The following DIP2C variants were observed in gnomAD, a reference collection of about 807,000 sequenced individuals.
DIP2C encodes disco-interacting protein 2 homolog C.
In DIP2C, 33 loss-of-function variants were observed where a neutral mutation model predicts 192.4. The ratio of observed to expected loss-of-function variants is 0.17; its 90% CI spans 0.13 to 0.23. The LOEUF is 0.23. Among genes scored for constraint, DIP2C ranks in the 10% least tolerant of loss-of-function variants. The pLI, the probability that DIP2C is intolerant of heterozygous loss-of-function variation, is 1.00. For missense variants in DIP2C, 1,537 were observed against 2,110.1 expected (o/e 0.73, Z 5.32); for synonymous variants, 979 against 864.1 (o/e 1.13, Z -2.33).
At chr10:285,815 AAG>A (rs1359198046) in intron 34 of DIP2C, among the ~76,000 whole-genome samples, 1 of 152,248 alleles carries the variant, frequency 6.6e-6, no homozygotes, top group African/African-American at 2.4e-5. Flanking sequence ...CAAAGGTGTC[AAG>A]TTCCACTGTT....
intron 2 of DIP2C, among the ~76,000 whole-genome samples, chr10:477,004 G>C (rs1843081879): frequency 1.6e-5 from 1 of 63,996 alleles, no homozygotes; most frequent in African/African-American, 6.5e-5. Context: ...CAGAGGGCTG[G>C]AACATTTCCA....
chr10:593,437 G>A (rs969933222), intron 1 of DIP2C, among the ~76,000 whole-genome samples: 2 of 150,106 alleles, frequency 1.3e-5, no homozygotes, highest in African/African-American at 2.5e-5. Context: ...TCTCCCAGCA[G>A]ACCCCACACC....
intron 1 of DIP2C, among the ~76,000 whole-genome samples, chr10:623,996 G>A (rs1457972632): frequency 2.0e-5 from 3 of 152,220 alleles, no homozygotes; most frequent in African/African-American, 7.2e-5. Flanking sequence ...TTAGAGACAA[G>A]AGGTCAAAGA....
intron 1 of DIP2C, among the ~76,000 whole-genome samples, chr10:513,200 CAT>C (rs1408201339): frequency 1.3e-5 from 2 of 151,994 alleles, no homozygotes; most frequent in Non-Finnish European, 2.9e-5. Flanking sequence ...TAAATTATTA[CAT>C]GTTTAGTCGT....
intron 1 of DIP2C, among the ~76,000 whole-genome samples, chr10:509,910 C>T (rs1319803753): frequency 6.6e-6 from 1 of 152,220 alleles, no homozygotes; most frequent in African/African-American, 2.4e-5. Context: ...GGCTAAGCAG[C>T]AAGAGGAAGC....
At chr10:529,739 G>A (rs1295420663) in intron 1 of DIP2C, among the ~76,000 whole-genome samples, 1 of 152,200 alleles carries the variant, frequency 6.6e-6, no homozygotes, top group Non-Finnish European at 1.5e-5. Context: ...TTTTGTTGCA[G>A]TTACTTTGAT....
intron 26 of DIP2C, among the ~76,000 whole-genome samples, chr10:346,542 CACCCA>C (rs202187098): frequency 1.3e-4 from 18 of 141,876 alleles, no homozygotes; most frequent in Non-Finnish European, 1.8e-4. Context: ...ACCCCACACT[CACCCA>C]ACCCAGACAC....
At chr10:418,425 G>C (rs1388357699) in intron 6 of DIP2C, among the ~76,000 whole-genome samples, 1 of 151,908 alleles carries the variant, frequency 6.6e-6, no homozygotes, top group Admixed American at 6.5e-5. Flanking sequence ...TTCACACAAG[G>C]GCATTGTATT....
At chr10:596,140 C>T (rs1851685228) in intron 1 of DIP2C, among the ~76,000 whole-genome samples, 1 of 152,112 alleles carries the variant, frequency 6.6e-6, no homozygotes, top group Admixed American at 6.5e-5. Flanking sequence ...CTATGAAAAG[C>T]TGAAAGGTCA....
At chr10:309,321 A>C (rs74714672) in intron 32 of DIP2C, among the ~76,000 whole-genome samples, 2,121 of 152,116 alleles carry the variant, frequency 0.014, 51 homozygotes, top group African/African-American at 0.049. Context: ...GGCGCTTAGG[A>C]GGCCACATAG....
intron 1 of DIP2C, among the ~76,000 whole-genome samples, chr10:532,699 G>C (rs1348843157): frequency 9.5e-6 from 1 of 104,928 alleles, no homozygotes; most frequent in East Asian, 2.2e-4. Flanking sequence ...GAGAGTATGG[G>C]TGTGAGAGAG....
chr10:584,423 C>T (rs532222294), intron 1 of DIP2C, among the ~76,000 whole-genome samples: 91 of 151,054 alleles, frequency 6.0e-4, no homozygotes, highest in Non-Finnish European at 1.2e-3. Context: ...ATCTCGGGGC[C>T]CACAACCTGA....
chr10:281,734 T>C (rs1954838867), intron 35 of DIP2C, among the ~76,000 whole-genome samples: 2 of 152,224 alleles, frequency 1.3e-5, no homozygotes. Context: ...GCAGCCACAG[T>C]CAGACCAGCT....
chr10:333,825 G>C (rs184288760), intron 29 of DIP2C, among the ~76,000 whole-genome samples: 124 of 152,302 alleles, frequency 8.1e-4, no homozygotes, highest in African/African-American at 2.8e-3. Context: ...TTTATTTCCT[G>C]TGTTTTCGGT....
rs902553495 is a variant in DIP2C at position 681,803 on chromosome 10, T to C, written c.85+7691A>G. 2.0e-5 allele frequency among the ~76,000 whole-genome samples: 3 copies of C among 152,366 alleles called. No homozygotes were observed. The East Asian group carries it at 5.8e-4, about 29-fold the overall frequency. ...CAGAGCTCAGCATCCAGAAGGGAAGTTGGCCCCAGGAACGCCTTCCTCCTC... is the reference window on the plus strand; with the variant it reads ...CAGAGCTCAGCATCCAGAAGGGAAGCTGGCCCCAGGAACGCCTTCCTCCTC... On this transcript the variant is annotated intron_variant, in intron 1 of 36. Coordinates refer to ENST00000280886, the MANE Select transcript of DIP2C (RefSeq NM_014974.3).
intron 31 of DIP2C, among the ~76,000 whole-genome samples, chr10:311,123 C>A (rs528080454): frequency 1.3e-5 from 2 of 152,116 alleles, no homozygotes. Flanking sequence ...ACAGCACATG[C>A]GAGTCAGCCT....
At chr10:305,992 TATTATA>T (rs1956301462) in intron 32 of DIP2C, among the ~76,000 whole-genome samples, 1 of 144,154 alleles carries the variant, frequency 6.9e-6, no homozygotes, top group Admixed American at 7.0e-5. Context: ...TATATATATA[TATTATA>T]TTTTTTTCCT....
intron 4 of DIP2C, chr10:430,420 A>C (rs959632064): frequency 2.6e-5 from 4 of 152,166 alleles, no homozygotes; most frequent in African/African-American, 9.7e-5. Flanking sequence ...AACTCACAAC[A>C]ACCCGGAGCT....
At chr10:626,875 G>C (rs114315911) in intron 1 of DIP2C, among the ~76,000 whole-genome samples, 2 of 152,210 alleles carry the variant, frequency 1.3e-5, no homozygotes, top group South Asian at 2.1e-4. Context: ...ATTCGTGAAC[G>C]AATCAGTTAA....
Sources: gnomAD v4.1 joint callset for allele counts (sites outside exome capture counted in the v4.1 genomes callset) on GRCh38, gnomAD v4.1.1 for gene constraint, MANE v1.5 for transcripts, NCBI Gene and HGNC (gene_info 2026-07-23, HGNC 2026-07-21) for gene names.